The following MIER3 variants were observed in gnomAD, a reference collection of about 807,000 sequenced individuals.
The protein encoded by MIER3 is MIER family member 3, also known as mesoderm induction early response protein 3.
MIER3 carries 9 observed loss-of-function variants against 63.2 expected under a neutral mutation model. That is an observed-to-expected ratio of 0.14 (90% CI 0.09 to 0.25). The LOEUF is 0.25. MIER3 is among the 10% of genes least tolerant of loss of function. MIER3 has a pLI of 1.00. For synonymous variants in MIER3, 205 were observed against 224.9 expected, an observed-to-expected ratio of 0.91 and a Z score of 0.79; for missense variants, 512 against 666.2, an observed-to-expected ratio of 0.77 and a Z score of 2.55.
intron 2 of MIER3, among the ~76,000 whole-genome samples, chr5:56,949,504 G>A (rs1055209653): frequency 1.1e-4 from 16 of 152,204 alleles, no homozygotes; most frequent in Middle Eastern, 3.4e-3. Flanking sequence ...CCTAAAATCA[G>A]TTATAACAAA....
At chr5:56,933,648 G>A (rs1750349229) in intron 7 of MIER3, among the ~76,000 whole-genome samples, 1 of 152,160 alleles carries the variant, frequency 6.6e-6, no homozygotes, top group East Asian at 1.9e-4. Flanking sequence ...TGACCAATCT[G>A]AAGGCTCTCC....
intron 2 of MIER3, 76 bp downstream of exon 2, chr5:56,950,552 G>T: frequency 2.1e-6 from 3 of 1,448,972 alleles, no homozygotes; most frequent in East Asian, 2.3e-5. Flanking sequence ...TTTCTATTGG[G>T]AATCCTTTAG....
chr5:56,927,294 TACC>T lies in MIER3; in HGVS notation c.924+1470_924+1472del, dbSNP rs1377910450. On this transcript the variant is annotated intron_variant, in intron 10 of 12. Transcript: ENST00000381199. ...ATTGGCTCATTAATTTTAACAAATG[TACC>T]ACACTATTAATAATAAAAGATATAA... Among the ~76,000 whole-genome samples, 6 of 152,258 alleles carry T rather than the reference TACC, an allele frequency of 3.9e-5. No individual in the cohort carries two copies. In the East Asian group the frequency reaches 1.2e-3, roughly 29 times the overall value.
intron 10 of MIER3, among the ~76,000 whole-genome samples, chr5:56,926,457 A>C (rs1037063606): frequency 6.6e-5 from 10 of 152,162 alleles, no homozygotes; most frequent in Admixed American, 4.6e-4. Flanking sequence ...TGAAAAAAAA[A>C]CACACAAATG....
At position 56,939,044 on chromosome 5, in the gene MIER3, A is replaced by T. The variant is rs1750549972; in HGVS notation, c.181-27T>A. 5.6e-6 allele frequency: 9 copies of T among 1,611,894 alleles called. No homozygotes were observed. The African/African-American group carries it at 9.3e-5, about 17-fold the overall frequency. On this transcript the variant is annotated intron_variant, in intron 3 of 12. Coordinates refer to ENST00000381199, the MANE Select transcript of MIER3 (RefSeq NM_001297599.2). ...TGTTCAAGCCAGGGCATAAACACGG[A>T]CTCAGCAGATGTCACAATACTGAAC...
chr5:56,945,010 T>C (rs1750780139), intron 3 of MIER3, among the ~76,000 whole-genome samples: 1 of 152,184 alleles, frequency 6.6e-6, no homozygotes, highest in East Asian at 1.9e-4. Context: ...ATGCCTTTTT[T>C]TCTTTTAACA....
At chr5:56,950,083 A>C (rs1322087172) in intron 2 of MIER3, among the ~76,000 whole-genome samples, 1 of 152,152 alleles carries the variant, frequency 6.6e-6, no homozygotes, top group Non-Finnish European at 1.5e-5. Context: ...GTCTCAGCTC[A>C]GAAGTCAAAA....
intron 10 of MIER3, among the ~76,000 whole-genome samples, chr5:56,925,833 A>G (rs1401935712): frequency 6.6e-6 from 1 of 152,014 alleles, no homozygotes; most frequent in African/African-American, 2.4e-5. Flanking sequence ...ACAGTCCCCA[A>G]CTTCAAGATT....
chr5:56,921,362 A>C lies in MIER3; in HGVS notation c.*1766T>G, dbSNP rs111845852. On this transcript the variant is annotated 3_prime_UTR_variant, in exon 13 of 13. Transcript: ENST00000381199. The stretch of plus-strand genomic sequence containing the variant: ...TGACAACTTGGATAAAAATACAAGA[A>C]AGTAACACAGAGCCCAGGCTACCCA... 6.5e-3 allele frequency: 978 copies of C among 151,486 alleles called. 9 individuals are homozygous for C. Among genetic ancestry groups the C allele is most frequent in the Non-Finnish European group, 0.012 (781 of 67,194 alleles). The allele number at this position is 151,486 out of a possible 1,614,324, so 9.4% of individuals were successfully genotyped here.
intron 3 of MIER3, 92 bp downstream of exon 3, chr5:56,946,834 G>T: frequency 2.1e-6 from 2 of 966,000 alleles, no homozygotes; most frequent in Non-Finnish European, 2.9e-6. Context: ...AAAGGATTAT[G>T]ATCCTATTTT....
At chr5:56,951,411 G>C (rs542506135) in intron 1 of MIER3, among the ~76,000 whole-genome samples, 1 of 152,142 alleles carries the variant, frequency 6.6e-6, no homozygotes, top group African/African-American at 2.4e-5. Context: ...CCTTCCTCCA[G>C]CCCAGAGAAA....
At chr5:56,942,807 A>G (rs1750692224) in intron 3 of MIER3, among the ~76,000 whole-genome samples, 1 of 152,190 alleles carries the variant, frequency 6.6e-6, no homozygotes, top group Non-Finnish European at 1.5e-5. Flanking sequence ...AAAGAAACTG[A>G]GCAAGAGAAA....
In MIER3 at chr5:56,937,686, T is replaced by C. The variant is rs757989109; in HGVS notation, c.328A>G (p.Lys110Glu). ...DMTLDKEEIAKDLLSGDDEET... is the reference protein window; with the variant it reads ...DMTLDKEEIAEDLLSGDDEET... ...TCGTCATCACCTGACAACAGGTCTT[T>C]TGCTATTTCCTCCTGGAAGAATAAG... The change falls in exon 5 of 13, where the codon AAA becomes GAA. Residue 110 changes from lysine to glutamate, a missense_variant. Transcript: ENST00000381199. 1 of 1,607,390 alleles carries C rather than the reference T, an allele frequency of 6.2e-7. No homozygotes were observed. Among genetic ancestry groups the C allele is most frequent in the Non-Finnish European group, 8.5e-7 (1 of 1,176,528 alleles).
rs1197908486 is a variant in MIER3, at chr5:56,933,314, A to T, written c.680T>A (p.Leu227Ter). The T allele has an allele frequency of 6.2e-7, 1 of 1,613,512 alleles. No homozygotes were observed. The highest frequency in any genetic ancestry group is 8.5e-7 in the Non-Finnish European group (1 of 1,179,722). The change falls in exon 8 of 13, where the codon TTA becomes TAA. Residue 227 changes from leucine (L) to a stop codon, truncating the protein, a stop_gained. Transcript: ENST00000381199. LOFTEE classifies it high-confidence loss of function. ...CATTATTTTTTCACTGCCAGTCCTTAATGAAGTCTCAACAAGGTATTCCTT... is the reference window on the plus strand; with the variant it reads ...CATTATTTTTTCACTGCCAGTCCTTTATGAAGTCTCAACAAGGTATTCCTT... ...KVKEYLVETS[L>*]RTGSEKIMDR...
At chr5:56,951,023 C>G (rs1262054107) in intron 1 of MIER3, among the ~76,000 whole-genome samples, 1 of 152,148 alleles carries the variant, frequency 6.6e-6, no homozygotes, top group Non-Finnish European at 1.5e-5. Context: ...ACCCGGCTCT[C>G]CGAAGCCCCA....
intron 5 of MIER3, among the ~76,000 whole-genome samples, chr5:56,936,218 A>C (rs1276912979): frequency 4.1e-5 from 3 of 73,762 alleles, no homozygotes; most frequent in African/African-American, 1.7e-4. Context: ...CTCCATCTCA[A>C]AAAAAAAAGT....
chr5:56,950,381 G>A (rs114731275), intron 2 of MIER3, among the ~76,000 whole-genome samples: 2,072 of 152,240 alleles, frequency 0.014, 19 homozygotes, highest in Non-Finnish European at 0.02. Flanking sequence ...AATAATTAAA[G>A]CCATATTCCT....
rs760623869 is a variant in MIER3 at position 56,923,556 on chromosome 5, C to G, written c.1225G>C (p.Asp409His). ...TCCAAACAATTCACATCTGTGGGGT[C>G]GCAGACGGTTGCTACACTGTTGGTC... ...ALTNSVATVC[D>H]PTDVNCLDDS... The change falls in exon 13 of 13, where the codon GAC becomes CAC. Residue 409 changes from aspartate (D) to histidine (H), a missense_variant. By Grantham distance (81) the Asp-to-His change is moderately conservative (BLOSUM62 -1). This residue lies in a region of MIER3 where 218 missense variants were observed against 251.2 expected (regional missense o/e 0.87). Transcript: ENST00000381199. The G allele has an allele frequency of 6.2e-7, 1 of 1,613,908 alleles. No individual in the cohort carries two copies. Among genetic ancestry groups the G allele is most frequent in the Admixed American group, 1.7e-5 (1 of 59,990 alleles).
chr5:56,929,795 A>G (rs1045592254), intron 9 of MIER3, among the ~76,000 whole-genome samples: 1 of 152,186 alleles, frequency 6.6e-6, no homozygotes, highest in Non-Finnish European at 1.5e-5. Context: ...AGGTCTTCAA[A>G]GAGTCACAGC....
Sources: gnomAD v4.1 joint callset for allele counts (sites outside exome capture counted in the v4.1 genomes callset) on GRCh38, gnomAD v4.1.1 for gene constraint, gnomAD v4.1.1 regional missense constraint, MANE v1.5 for transcripts, NCBI Gene and HGNC (gene_info 2026-07-23, HGNC 2026-07-21) for gene names.